FYB1: variants seen among roughly 807,000 people sequenced by gnomAD.
The protein encoded by FYB1 is FYN-binding protein 1.
In FYB1, 41 loss-of-function variants were observed where a neutral mutation model predicts 94.1. The ratio of observed to expected loss-of-function variants is 0.44; its 90% CI spans 0.34 to 0.57. The LOEUF (loss-of-function observed/expected upper bound fraction) is 0.57. Ranked by LOEUF, FYB1 falls within the 20% of genes least tolerant of loss-of-function variation. FYB1 has a pLI of 0.02. For synonymous variants in FYB1, 367 were observed against 353.2 expected (o/e 1.04, Z -0.44); for missense variants, 1,050 against 976.8 (o/e 1.07, Z -1.00).
At chr5:39,115,956 C>G (rs368406434) in intron 16 of FYB1, among the ~76,000 whole-genome samples, 4 of 152,254 alleles carry the variant, frequency 2.6e-5, no homozygotes, top group African/African-American at 9.6e-5. Flanking sequence ...GCTTCTGGAA[C>G]TCTGTCAGCT....
intron 11 of FYB1, 76 bp downstream of exon 11, chr5:39,127,665 T>A: frequency 2.1e-6 from 3 of 1,449,884 alleles, no homozygotes; most frequent in Non-Finnish European, 2.7e-6. Context: ...CCGCTTTTTA[T>A]TTTAACTGGA....
intron 2 of FYB1, among the ~76,000 whole-genome samples, chr5:39,185,639 T>TACACAC (rs750593141): frequency 1.4e-5 from 2 of 143,376 alleles, no homozygotes; most frequent in African/African-American, 2.8e-5. Flanking sequence ...TATATATATA[T>TACACAC]ATACACACAC....
upstream of FYB1, among the ~76,000 whole-genome samples, chr5:39,221,482 C>T (rs1415135701): frequency 6.6e-6 from 1 of 152,178 alleles, no homozygotes. Flanking sequence ...GTATAACTAA[C>T]CATGACACAC....
chr5:39,255,332 A>G (rs902198215), intron 1 of FYB1, among the ~76,000 whole-genome samples: 5 of 152,156 alleles, frequency 3.3e-5, no homozygotes, highest in African/African-American at 1.2e-4. Flanking sequence ...TTGAAATTAA[A>G]GTTGGAAGTT....
In FYB1 at chr5:39,140,133, C is replaced by T. The variant is rs535130336; in HGVS notation, c.1340-881G>A. 11 of 152,320 alleles carry T rather than the reference C, an allele frequency of 7.2e-5. No individual in the cohort carries two copies. The South Asian group carries it at 2.3e-3, about 32-fold the overall frequency. The allele number at this position is 152,320 out of a possible 1,614,324, so 9.4% of individuals were successfully genotyped here. A position where few individuals can be genotyped will look rare whatever the true frequency, so the allele number is the denominator to read the frequency against. ...CATGAATTACAAGGCAAAATTAATACATTCGATTATATCAAAATTTATTTA... is the reference window on the plus strand; with the variant it reads ...CATGAATTACAAGGCAAAATTAATATATTCGATTATATCAAAATTTATTTA... On this transcript the variant is annotated intron_variant, in intron 4 of 18. Coordinates refer to ENST00000512982, the MANE Select transcript of FYB1 (RefSeq NM_001465.6).
intron 16 of FYB1, among the ~76,000 whole-genome samples, chr5:39,114,878 C>G (rs1178911264): frequency 2.0e-5 from 3 of 152,088 alleles, no homozygotes; most frequent in African/African-American, 7.2e-5. Context: ...GACTCTGAAG[C>G]TCAGAGTCTA....
At chr5:39,172,580 T>C (rs1231540764) in intron 2 of FYB1, among the ~76,000 whole-genome samples, 1 of 152,188 alleles carries the variant, frequency 6.6e-6, no homozygotes, top group Non-Finnish European at 1.5e-5. Flanking sequence ...AGGTGGTTCT[T>C]GAGCCCACAC....
Position 39,141,222 on chromosome 5 carries a change from C to T in FYB1, c.1293-81G>A, listed in dbSNP as rs578050715. On this transcript the variant is annotated intron_variant, in intron 3 of 18. Transcript: ENST00000512982. ...AATGAAAAAGGGAAAAGGATTATTTCATGAATTGTTCTTTTTTCTTGAACC... is the reference window on the plus strand; with the variant it reads ...AATGAAAAAGGGAAAAGGATTATTTTATGAATTGTTCTTTTTTCTTGAACC... 43 of 958,414 alleles carry T rather than the reference C, an allele frequency of 4.5e-5. 2 individuals carry two copies. In the Middle Eastern group the frequency reaches 6.3e-4, roughly 14 times the overall value. The allele number at this position is 958,414 out of a possible 1,614,324, so 59.4% of individuals were successfully genotyped here.
chr5:39,215,575 G>A (rs532001814), intron 1 of FYB1, among the ~76,000 whole-genome samples: 3 of 152,308 alleles, frequency 2.0e-5, no homozygotes, highest in Admixed American at 2.0e-4. Flanking sequence ...GGGGGAGGGT[G>A]TGGCATCCTG....
chr5:39,170,059 C>T (rs1028018198), intron 2 of FYB1: 8 of 820,626 alleles, frequency 9.7e-6, no homozygotes, highest in Admixed American at 3.5e-5. Flanking sequence ...CACTGGTGTC[C>T]TAGATCTTAC....
intron 1 of FYB1, among the ~76,000 whole-genome samples, chr5:39,236,482 G>A (rs1409218799): frequency 1.3e-5 from 2 of 152,036 alleles, no homozygotes; most frequent in Non-Finnish European, 2.9e-5. Flanking sequence ...GTGGCTAGAG[G>A]AATTATAATG....
At chr5:39,185,140 A>G (rs974224121) in intron 2 of FYB1, among the ~76,000 whole-genome samples, 1 of 152,182 alleles carries the variant, frequency 6.6e-6, no homozygotes, top group African/African-American at 2.4e-5. Context: ...CATTAGATCA[A>G]GTAAACACTG....
Position 39,105,882 on chromosome 5 carries a change from T to C in FYB1, c.*1561A>G, listed in dbSNP as rs1193252180. ...CTTGGGGCCTCAGACACCCAAAATC[T>C]ATATATTGACCAGTGGAAGTTGATG... On this transcript the variant is annotated 3_prime_UTR_variant, in exon 19 of 19. Coordinates refer to ENST00000512982, the MANE Select transcript of FYB1 (RefSeq NM_001465.6). 2 of 152,148 alleles carry C rather than the reference T, an allele frequency of 1.3e-5. No homozygotes were observed. The highest frequency in any genetic ancestry group is 2.9e-5 in the Non-Finnish European group (2 of 68,022). 9.4% of individuals were successfully genotyped at this position (152,148 alleles called of 1,614,324 possible). A position where few individuals can be genotyped will look rare whatever the true frequency, so the allele number is the denominator to read the frequency against.
At chr5:39,252,203 T>C (rs1220572490) in intron 1 of FYB1, among the ~76,000 whole-genome samples, 2 of 151,868 alleles carry the variant, frequency 1.3e-5, no homozygotes, top group Non-Finnish European at 2.9e-5. Flanking sequence ...AAAATATAGA[T>C]GGCTCAAAAC....
At chr5:39,146,942 C>A (rs952947243) in intron 3 of FYB1, among the ~76,000 whole-genome samples, 5 of 151,986 alleles carry the variant, frequency 3.3e-5, no homozygotes, top group Admixed American at 2.6e-4. Context: ...ATGAGTAAAT[C>A]CAGATCAAAC....
Position 39,133,783 on chromosome 5 carries a change from A to G in FYB1, c.1817+425T>C, listed in dbSNP as rs1479553137. Among the ~76,000 whole-genome samples the G allele has an allele frequency of 3.3e-5, 5 of 152,196 alleles. No homozygotes were observed. The East Asian group carries it at 9.6e-4, about 29-fold the overall frequency. ...AGGAGCAAACTGGGGTTGCCATAAAAATCATTTTTTGTCGTATTTTCAAAA... is the reference window on the plus strand; with the variant it reads ...AGGAGCAAACTGGGGTTGCCATAAAGATCATTTTTTGTCGTATTTTCAAAA... On this transcript the variant is annotated intron_variant, in intron 9 of 18. Coordinates refer to ENST00000512982, the MANE Select transcript of FYB1 (RefSeq NM_001465.6).
intron 11 of FYB1, among the ~76,000 whole-genome samples, chr5:39,126,982 T>A (rs1740727028): frequency 7.2e-6 from 1 of 139,460 alleles, no homozygotes; most frequent in Non-Finnish European, 1.5e-5. Flanking sequence ...CATTTGAACC[T>A]GGGAGGCAGA....
intron 1 of FYB1, among the ~76,000 whole-genome samples, chr5:39,244,575 C>A (rs527970834): frequency 1.3e-5 from 2 of 151,198 alleles, no homozygotes. Context: ...CATCAATGCT[C>A]ATCGGGGATA....
chr5:39,266,305 A>G (rs989818610), intron 1 of FYB1, among the ~76,000 whole-genome samples: 1 of 152,174 alleles, frequency 6.6e-6, no homozygotes, highest in African/African-American at 2.4e-5. Flanking sequence ...ATCTTGACTG[A>G]GCCTCTTGAA....
Sources: gnomAD v4.1 joint callset for allele counts (sites outside exome capture counted in the v4.1 genomes callset) on GRCh38, gnomAD v4.1.1 for gene constraint, MANE v1.5 for transcripts, NCBI Gene and HGNC (gene_info 2026-07-23, HGNC 2026-07-21) for gene names.